Variants in DENND6B observed in about 807,000 individuals in gnomAD.
DENND6B encodes the protein DENN domain containing 6B.
A neutral mutation model predicts 85.1 loss-of-function variants in DENND6B; 73 were observed. That is an observed-to-expected ratio of 0.86 (90% CI 0.71 to 1.04). The LOEUF (loss-of-function observed/expected upper bound fraction) is 1.04. Ranked by LOEUF, DENND6B falls within the 50% of genes least tolerant of loss-of-function variation. The pLI, the probability that DENND6B is intolerant of heterozygous loss-of-function variation, is 0.00. For synonymous variants in DENND6B, 357 were observed against 329.3 expected (o/e 1.08, Z -0.91); for missense variants, 715 against 785.8 (o/e 0.91, Z 1.08).
At chr22:50,314,999 A>ACCCAGGCTGG (rs1213989191) in intron 9 of DENND6B, 78 bp from the exon 10 acceptor site, 3 of 1,573,416 alleles carry the variant, frequency 1.9e-6, no homozygotes, top group Non-Finnish European at 2.6e-6. Flanking sequence ...CCCACCGTTC[A>ACCCAGGCTGG]CCCAGGCTGG....
At chr22:50,317,268 A>G in intron 5 of DENND6B, 25 bp downstream of exon 5, 1 of 1,611,430 alleles carries the variant, frequency 6.2e-7, no homozygotes, top group East Asian at 2.2e-5. Flanking sequence ...TTGAGGTGCC[A>G]GCCCAGAGTG....
chr22:50,317,369 T>A lies in DENND6B; in HGVS notation c.377A>T (p.Glu126Val). 6.2e-7 allele frequency: 1 copy of A among 1,612,674 alleles called. No homozygotes were observed. Among genetic ancestry groups the A allele is most frequent in the Non-Finnish European group, 8.5e-7 (1 of 1,179,638 alleles). Residue 126 changes from glutamate to valine, a missense_variant, in exon 5 of 20, where the codon GAG becomes GTG. Physicochemically the swap from Glu to Val is moderately radical, Grantham distance 121 (BLOSUM62 -2). Coordinates refer to ENST00000413817, the MANE Select transcript of DENND6B (RefSeq NM_001001794.4). ...NSRAPVALQREPAHYFGYVYF... is the reference protein window; with the variant it reads ...NSRAPVALQRVPAHYFGYVYF... ...CACGTAGCCGAAGTAGTGTGCCGGC[T>A]CCCTCTGCAAGGAGCATGGTGTTAG...
At chr22:50,315,813 ACCCCTTGGGCCCCAAGCAGC>A in intron 8 of DENND6B, 44 bp from the exon 9 acceptor site, 1 of 1,484,272 alleles carries the variant, frequency 6.7e-7, no homozygotes, top group South Asian at 1.4e-5. Flanking sequence ...GGAGGCTGGC[ACCCCTTGGGCCCCAAGCAGC>A]CCCTGCCTCA....
Position 50,310,381 on chromosome 22 carries a change from CTT to C in DENND6B, c.*1756_*1757del, listed in dbSNP as rs1175180718. ...GTCACCCTCCCGGCTGCCTCCGCGT[CTT>C]GTCTGTAGAATGGGAACAGGGACAG... On this transcript the variant is annotated 3_prime_UTR_variant, in exon 20 of 20. Coordinates refer to ENST00000413817, the MANE Select transcript of DENND6B (RefSeq NM_001001794.4). 1.3e-5 allele frequency: 2 copies of C among 152,334 alleles called. No individual in the cohort carries two copies. The highest frequency in any genetic ancestry group is 1.9e-4 in the East Asian group (1 of 5,202). 9.4% of individuals were successfully genotyped at this position (152,334 alleles called of 1,614,324 possible).
chr22:50,325,547 G>A (rs1469884374), intron 1 of DENND6B, among the ~76,000 whole-genome samples: 1 of 152,096 alleles, frequency 6.6e-6, no homozygotes, highest in Non-Finnish European at 1.5e-5. Flanking sequence ...ATGTTGGCCA[G>A]GATGGTCTCA....
At position 50,316,191 on chromosome 22, in the gene DENND6B, T is replaced by C. The variant is rs1449880304; in HGVS notation, c.622A>G (p.Met208Val). 2 of 1,612,258 alleles carry C rather than the reference T, an allele frequency of 1.2e-6. No individual in the cohort carries two copies. Among genetic ancestry groups the C allele is most frequent in the Admixed American group, 1.7e-5 (1 of 60,000 alleles). The change falls in exon 7 of 20, where the codon ATG becomes GTG. Residue 208 changes from methionine (M) to valine (V), a missense_variant. Coordinates refer to ENST00000413817, the MANE Select transcript of DENND6B (RefSeq NM_001001794.4). ...APGQTLNLPVMGVVVQVRIPS... is the reference protein window; with the variant it reads ...APGQTLNLPVVGVVVQVRIPS... Reference sequence around the variant, plus strand: ...GCTCTCACCTGGACAACAACGCCCATGACAGGTAGGTTCAGGGTCTGCCCA... The same window carrying C: ...GCTCTCACCTGGACAACAACGCCCACGACAGGTAGGTTCAGGGTCTGCCCA...
rs1261659843 is a variant in DENND6B, at chr22:50,311,793, G to A, written c.*346C>T. ...GCATCACACACAGCGCAGGGGGGTC[G>A]GGGGCCAACAGATGGGCACCGGGAG... is the stretch of plus-strand genomic sequence containing the variant. On this transcript the variant is annotated 3_prime_UTR_variant, in exon 20 of 20. Transcript: ENST00000413817. The A allele has an allele frequency of 2.3e-5, 8 of 348,418 alleles. No individual in the cohort carries two copies. Among genetic ancestry groups the A allele is most frequent in the Admixed American group, 4.3e-5 (1 of 23,408 alleles). 21.6% of individuals were successfully genotyped at this position (348,418 alleles called of 1,614,324 possible).
intron 1 of DENND6B, 69 bp from the exon 2 acceptor site, chr22:50,319,072 G>A (rs759275040): frequency 6.5e-7 from 1 of 1,549,892 alleles, no homozygotes. Flanking sequence ...GACAGCATCT[G>A]CTGGACTGTG....
chr22:50,316,260 A>C lies in DENND6B; in HGVS notation c.560-7T>G. The C allele has an allele frequency of 1.3e-6, 2 of 1,596,256 alleles. No homozygotes were observed. Among genetic ancestry groups the C allele is most frequent in the Non-Finnish European group, 1.7e-6 (2 of 1,171,888 alleles). ...TGGTCGATCTCACTGCACACTGCGG[A>C]TGCAGTAGCCCGCATCAGGACCCTC... On this transcript the variant is annotated splice_region_variant and splice_polypyrimidine_tract_variant and intron_variant, in intron 6 of 19. Coordinates refer to ENST00000413817, the MANE Select transcript of DENND6B (RefSeq NM_001001794.4).
chr22:50,311,979 G>T lies in DENND6B; in HGVS notation c.*160C>A. ...AGGCCATGCTGTGGTTCCAAATGTC[G>T]CCTTTACTGCTGAGACAATGGTGGT... On this transcript the variant is annotated 3_prime_UTR_variant, in exon 20 of 20. Coordinates refer to ENST00000413817, the MANE Select transcript of DENND6B (RefSeq NM_001001794.4). The T allele has an allele frequency of 1.6e-6, 2 of 1,237,046 alleles. No individual in the cohort carries two copies. Among genetic ancestry groups the T allele is most frequent in the Non-Finnish European group, 2.2e-6 (2 of 915,774 alleles). The allele number at this position is 1,237,046 out of a possible 1,614,324, so 76.6% of individuals were successfully genotyped here. A position where few individuals can be genotyped will look rare whatever the true frequency, so the allele number is the denominator to read the frequency against.
intron 6 of DENND6B, 23 bp downstream of exon 6, chr22:50,316,347 G>A (rs367942376): frequency 5.8e-6 from 9 of 1,564,568 alleles, no homozygotes; most frequent in Non-Finnish European, 7.8e-6. Context: ...AGACCACGAT[G>A]GCCACGACTG....
rs771203948 is a variant in DENND6B at position 50,316,228 on chromosome 22, C to T, written c.585G>A (p.Pro195=). Residue 195 remains proline (P), a synonymous_variant, in exon 7 of 20, where the codon CCG becomes CCA. Coordinates refer to ENST00000413817, the MANE Select transcript of DENND6B (RefSeq NM_001001794.4). ...EAVCSEIDQW[P]APAPGQTLNL... ...TCAGGGTCTGCCCAGGTGCAGGCGC[C>T]GGCCACTGGTCGATCTCACTGCACA... The T allele has an allele frequency of 1.2e-5, 20 of 1,609,252 alleles. No individual in the cohort carries two copies. The highest frequency in any genetic ancestry group is 3.3e-4 in the Middle Eastern group (2 of 6,078).
At chr22:50,319,718 G>A (rs1222365933) in intron 1 of DENND6B, among the ~76,000 whole-genome samples, 2 of 151,806 alleles carry the variant, frequency 1.3e-5, no homozygotes, top group Admixed American at 6.6e-5. Flanking sequence ...TTGCTCAGAT[G>A]CAGGCCCAGA....
At chr22:50,317,130 G>T in intron 5 of DENND6B, 163 bp downstream of exon 5, 1 of 644,296 alleles carries the variant, frequency 1.6e-6, no homozygotes, top group Non-Finnish European at 2.7e-6. Context: ...GGCGAGGACA[G>T]GGTGGGGGGG....
In DENND6B at chr22:50,314,532, G is replaced by A. The variant is rs1460035542; in HGVS notation, c.978-38C>T. 4.5e-6 allele frequency: 7 copies of A among 1,553,814 alleles called. No individual in the cohort carries two copies. The Middle Eastern group carries it at 5.0e-4, about 111-fold the overall frequency. On this transcript the variant is annotated intron_variant, in intron 11 of 19. Transcript: ENST00000413817. ...AGAGAGAGAAGAGGCAGAGACAGAGGTCCAGGGAGGTGCAGGAAGGGCGAG... is the reference window on the plus strand; with the variant it reads ...AGAGAGAGAAGAGGCAGAGACAGAGATCCAGGGAGGTGCAGGAAGGGCGAG...
At position 50,317,926 on chromosome 22, in the gene DENND6B, C is replaced by A; in HGVS notation, c.354G>T (p.Arg118Ser). The change falls in exon 4 of 20, where the codon AGG becomes AGT. Residue 118 changes from arginine to serine, a missense_variant. By Grantham distance (110) the Arg-to-Ser change is moderately radical. Coordinates refer to ENST00000413817, the MANE Select transcript of DENND6B (RefSeq NM_001001794.4). ...WHADDRHYNSRAPVALQREPA... is the reference protein window; with the variant it reads ...WHADDRHYNSSAPVALQREPA... ...TGCTCACCTGCAGTGCCACAGGGGC[C>A]CTGCTGTTGTAGTGCCTGTCGTCGG... 1 of 1,608,998 alleles carries A rather than the reference C, an allele frequency of 6.2e-7. No individual in the cohort carries two copies.
chr22:50,312,186 T>C lies in DENND6B; in HGVS notation c.1711A>G (p.Ile571Val). 6.2e-7 allele frequency: 1 copy of C among 1,612,530 alleles called. No homozygotes were observed. Among genetic ancestry groups the C allele is most frequent in the Non-Finnish European group, 8.5e-7 (1 of 1,179,768 alleles). ...QRAQLYIETVIGSLPKDLQAV... is the reference protein window; with the variant it reads ...QRAQLYIETVVGSLPKDLQAV... The stretch of plus-strand genomic sequence containing the variant: ...TGCAGGTCTTTGGGCAGGGAGCCGA[T>C]GACCGTCTCGATGTACAGCTGTGCC... Residue 571 changes from isoleucine (I) to valine (V), a missense_variant, in exon 20 of 20, where the codon ATC becomes GTC. Transcript: ENST00000413817.
rs2068057180 is a variant in DENND6B at position 50,311,300 on chromosome 22, CAAGGA to C, written c.*834_*838del. On this transcript the variant is annotated 3_prime_UTR_variant, in exon 20 of 20. Coordinates refer to ENST00000413817, the MANE Select transcript of DENND6B (RefSeq NM_001001794.4). ...GCTCTTAGGGACGTTCACCCCTTAC[CAAGGA>C]AAGGGAGACATGCAGGCTCCAGCCA... 1 of 152,286 alleles carries C rather than the reference CAAGGA, an allele frequency of 6.6e-6. No individual in the cohort carries two copies. The highest frequency in any genetic ancestry group is 1.5e-5 in the Non-Finnish European group (1 of 68,122). 9.4% of individuals were successfully genotyped at this position (152,286 alleles called of 1,614,324 possible). A position where few individuals can be genotyped will look rare whatever the true frequency, so the allele number is the denominator to read the frequency against.
chr22:50,314,529 G>A lies in DENND6B; in HGVS notation c.978-35C>T, dbSNP rs1255632961. On this transcript the variant is annotated intron_variant, in intron 11 of 19. Transcript: ENST00000413817. Reference sequence around the variant, plus strand: ...CAGAGAGAGAGAAGAGGCAGAGACAGAGGTCCAGGGAGGTGCAGGAAGGGC... The same window carrying A: ...CAGAGAGAGAGAAGAGGCAGAGACAAAGGTCCAGGGAGGTGCAGGAAGGGC... 10 of 1,553,712 alleles carry A rather than the reference G, an allele frequency of 6.4e-6. No individual in the cohort carries two copies. The Admixed American group carries it at 7.8e-5, about 12-fold the overall frequency.
Sources: allele counts gnomAD v4.1 joint callset (sites outside exome capture counted in the v4.1 genomes callset), GRCh38; gene constraint gnomAD v4.1.1; transcripts MANE v1.5; gene names NCBI Gene and HGNC (gene_info 2026-07-23, HGNC 2026-07-21).